Variants in EPAS1 observed in about 807,000 individuals in gnomAD.
The protein encoded by EPAS1 is endothelial PAS domain-containing protein 1.
Under a neutral mutation model 87.9 loss-of-function variants are expected in EPAS1, and 23 were observed. That is an observed-to-expected ratio of 0.26 (90% CI 0.19 to 0.37). EPAS1 has a LOEUF of 0.37. EPAS1 is among the 10% of genes least tolerant of loss of function. EPAS1 has a pLI of 1.00. For synonymous variants in EPAS1, 508 were observed against 444.3 expected, an observed-to-expected ratio of 1.14 and a Z score of -1.80; for missense variants, 1,138 against 1,120.7, an observed-to-expected ratio of 1.02 and a Z score of -0.22.
chr2:46,345,975 A>G (rs935293245), intron 1 of EPAS1, among the ~76,000 whole-genome samples: 16 of 152,224 alleles, frequency 1.1e-4, no homozygotes, highest in African/African-American at 3.6e-4. Flanking sequence ...ACAGATGAGG[A>G]GACTGAGGCT....
chr2:46,331,804 G>T lies in EPAS1; in HGVS notation c.27-15069G>T, dbSNP rs78272034. Among the ~76,000 whole-genome samples the T allele has an allele frequency of 8.7e-3, 1,312 of 151,378 alleles. 21 individuals carry two copies. Among genetic ancestry groups the T allele is most frequent in the African/African-American group, 0.03 (1,232 of 41,264 alleles). On this transcript the variant is annotated intron_variant, in intron 1 of 15. Transcript: ENST00000263734. The stretch of plus-strand genomic sequence containing the variant: ...TGCAGTCACACCCCACCTCCACTTA[G>T]GTCTCCCTACACTCACTCTAATCTT...
rs1281278181 is a variant in EPAS1 at position 46,375,608 on chromosome 2, G to T, written c.887-82G>T. The T allele has an allele frequency of 1.9e-5, 29 of 1,525,028 alleles. No individual in the cohort carries two copies. The Admixed American group carries it at 5.6e-4, about 29-fold the overall frequency. 94.5% of individuals were successfully genotyped at this position (1,525,028 alleles called of 1,614,324 possible). Reference sequence around the variant, plus strand: ...TGTCTGTTCCCCTGCAGATTAGACTGCCCTCCCATGCGATCTGCTGAGCCT... The same window carrying T: ...TGTCTGTTCCCCTGCAGATTAGACTTCCCTCCCATGCGATCTGCTGAGCCT... On this transcript the variant is annotated intron_variant, in intron 7 of 15. Coordinates refer to ENST00000263734, the MANE Select transcript of EPAS1 (RefSeq NM_001430.5). This position sits in a 1 kb window ranked among gnomAD's most constrained non-coding sequence, Gnocchi z 4.1.
chr2:46,381,806 TTCCAA>T, intron 13 of EPAS1, 84 bp downstream of exon 13: 2 of 1,593,838 alleles, frequency 1.3e-6, no homozygotes, highest in Non-Finnish European at 1.7e-6. Flanking sequence ...GATGTGGCCC[TTCCAA>T]GCCAGCATAG....
At chr2:46,356,030 G>T in intron 2 of EPAS1, 121 bp from the exon 3 acceptor site, 1 of 1,050,700 alleles carries the variant, frequency 9.5e-7, no homozygotes, top group Non-Finnish European at 1.5e-6. Flanking sequence ...TTGGCAGTAT[G>T]CGTTTCCAGA....
chr2:46,380,358 C>T lies in EPAS1; in HGVS notation c.1686C>T (p.His562=), dbSNP rs34440936. 4 of 1,614,100 alleles carry T rather than the reference C, an allele frequency of 2.5e-6. No homozygotes were observed. In the Admixed American group the frequency reaches 5.0e-5, roughly 20 times the overall value. Residue 562 remains histidine (H), a synonymous_variant, in exon 12 of 16, where the codon CAC becomes CAT. Coordinates refer to ENST00000263734, the MANE Select transcript of EPAS1 (RefSeq NM_001430.5). This position sits in a 1 kb window ranked among gnomAD's most constrained non-coding sequence, Gnocchi z 4.4. ...LAENPQSTPQ[H]CFSAMTNIFQ... is the part of the protein sequence containing the mutation. Reference sequence around the variant, plus strand: ...AGAACCCACAGTCCACCCCCCAGCACTGCTTCAGTGCCATGACAAACATCT... The same window carrying T: ...AGAACCCACAGTCCACCCCCCAGCATTGCTTCAGTGCCATGACAAACATCT...
chr2:46,347,306 C>T lies in EPAS1; in HGVS notation c.217+243C>T, dbSNP rs539835493. On this transcript the variant is annotated intron_variant, in intron 2 of 15. Transcript: ENST00000263734. The surrounding 1 kb of genome is among the most constrained non-coding windows in gnomAD (Gnocchi z 4.2). ...ACAGGACCAGGGAAGAACATGGGCA[C>T]CCAGAGGCTGTGGAGAACACGGGCT... The T allele has an allele frequency of 1.0e-3, 593 of 579,234 alleles. 6 individuals carry two copies. The highest frequency in any genetic ancestry group is 0.01 in the South Asian group (516 of 50,594). 35.9% of individuals were successfully genotyped at this position (579,234 alleles called of 1,614,324 possible).
rs1164507635 is a variant in EPAS1 at position 46,382,618 on chromosome 2, G to A, written c.2461+20G>A. The A allele has an allele frequency of 4.3e-6, 7 of 1,613,776 alleles. No homozygotes were observed. The highest frequency in any genetic ancestry group is 5.9e-6 in the Non-Finnish European group (7 of 1,179,992). On this transcript the variant is annotated intron_variant, in intron 15 of 15. Coordinates refer to ENST00000263734, the MANE Select transcript of EPAS1 (RefSeq NM_001430.5). ...TGTCAGGTGGGTGTGCCCAGGATCTGTCACCCCCATCCCAGGATTCGATGC... is the reference window on the plus strand; with the variant it reads ...TGTCAGGTGGGTGTGCCCAGGATCTATCACCCCCATCCCAGGATTCGATGC...
Position 46,340,013 on chromosome 2 carries a change from A to C in EPAS1, c.27-6860A>C, listed in dbSNP as rs377097347. ...ATTTTGAGGGGACGTAAACATTCAG[A>C]CCTTGGCACCCACTAAGGCTTGGGC... On this transcript the variant is annotated intron_variant, in intron 1 of 15. Coordinates refer to ENST00000263734, the MANE Select transcript of EPAS1 (RefSeq NM_001430.5). Among the ~76,000 whole-genome samples, 28 of 152,254 alleles carry C rather than the reference A, an allele frequency of 1.8e-4. No individual in the cohort carries two copies. In the South Asian group the frequency reaches 5.0e-3, roughly 27 times the overall value.
chr2:46,337,426 C>T lies in EPAS1; in HGVS notation c.27-9447C>T, dbSNP rs184069794. Among the ~76,000 whole-genome samples the T allele has an allele frequency of 6.8e-4, 103 of 152,276 alleles. 1 individual carries two copies. Among genetic ancestry groups the T allele is most frequent in the African/African-American group, 2.4e-3 (101 of 41,552 alleles). On this transcript the variant is annotated intron_variant, in intron 1 of 15. Transcript: ENST00000263734. ...TATTCCAGGCAGGGAGTGGGAGGGG[C>T]AGCAGCAGTAGCTAAGTCCCCCCTA...
intron 7 of EPAS1, among the ~76,000 whole-genome samples, chr2:46,370,169 A>G (rs752970271): frequency 2.0e-5 from 3 of 152,244 alleles, no homozygotes; most frequent in Non-Finnish European, 2.9e-5. Context: ...CACCCGTGCC[A>G]AGGTGCACAG....
intron 8 of EPAS1, among the ~76,000 whole-genome samples, chr2:46,376,065 C>G (rs1450407530): frequency 6.6e-6 from 1 of 152,122 alleles, no homozygotes; most frequent in Non-Finnish European, 1.5e-5. Context: ...TCCCTGGCAT[C>G]TGTCATTTAT....
chr2:46,341,558 G>T (rs1310397344), intron 1 of EPAS1, among the ~76,000 whole-genome samples: 4 of 152,146 alleles, frequency 2.6e-5, no homozygotes, highest in Non-Finnish European at 5.9e-5. Flanking sequence ...ATAGCATCTG[G>T]TACAGTGGTG....
intron 11 of EPAS1, among the ~76,000 whole-genome samples, chr2:46,379,091 C>T (rs1307989080): frequency 6.6e-6 from 1 of 152,212 alleles, no homozygotes; most frequent in Non-Finnish European, 1.5e-5. Flanking sequence ...ATGTATAAAA[C>T]ATGTATAAAC....
At chr2:46,315,994 A>T (rs1184929280) in intron 1 of EPAS1, among the ~76,000 whole-genome samples, 1 of 152,264 alleles carries the variant, frequency 6.6e-6, no homozygotes, top group African/African-American at 2.4e-5. Flanking sequence ...AGGCATGGAG[A>T]TAAAAATAAA....
At chr2:46,321,787 TG>T (rs199512226) in intron 1 of EPAS1, among the ~76,000 whole-genome samples, 3,011 of 152,056 alleles carry the variant, frequency 0.02, 37 homozygotes, top group Non-Finnish European at 0.03. Flanking sequence ...TAATGATATT[TG>T]GGAGTGAAAG....
chr2:46,317,804 C>A (rs140238211), intron 1 of EPAS1, among the ~76,000 whole-genome samples: 1 of 152,210 alleles, frequency 6.6e-6, no homozygotes, highest in African/African-American at 2.4e-5. Context: ...AACTGGCTGC[C>A]GCTTATGTAT....
At chr2:46,299,425 C>T (rs2104832908) in intron 1 of EPAS1, among the ~76,000 whole-genome samples, 1 of 152,320 alleles carries the variant, frequency 6.6e-6, no homozygotes, top group African/African-American at 2.4e-5. Flanking sequence ...TCCCAGGGCC[C>T]TCGGAGCAGT....
intron 6 of EPAS1, among the ~76,000 whole-genome samples, chr2:46,365,450 A>T (rs1409662771): frequency 1.3e-5 from 2 of 152,224 alleles, no homozygotes; most frequent in Non-Finnish European, 2.9e-5. Context: ...TCTACAAAGA[A>T]GTTGAGAATA....
In EPAS1 at chr2:46,377,878, G is replaced by A. The variant is rs1221231011; in HGVS notation, c.1250-16G>A. On this transcript the variant is annotated splice_polypyrimidine_tract_variant and intron_variant, in intron 9 of 15. Coordinates refer to ENST00000263734, the MANE Select transcript of EPAS1 (RefSeq NM_001430.5). ...ATGGTTGTGGGTGTTCACCTCCCAGGCCCTTGTCTCCACAGGGAATCAGAA... is the reference window on the plus strand; with the variant it reads ...ATGGTTGTGGGTGTTCACCTCCCAGACCCTTGTCTCCACAGGGAATCAGAA... The A allele has an allele frequency of 1.3e-6, 2 of 1,551,892 alleles. No homozygotes were observed. The highest frequency in any genetic ancestry group is 1.7e-6 in the Non-Finnish European group (2 of 1,147,052).
Sources: gnomAD v4.1 joint callset for allele counts (sites outside exome capture counted in the v4.1 genomes callset) on GRCh38, gnomAD v4.1.1 for gene constraint, Gnocchi (gnomAD v3.1) non-coding constraint, MANE v1.5 for transcripts, NCBI Gene and HGNC (gene_info 2026-07-23, HGNC 2026-07-21) for gene names.